Variants in QKI observed in about 807,000 individuals in gnomAD.
QKI encodes the protein KH domain-containing RNA-binding protein QKI.
In QKI, 10 loss-of-function variants were observed where a neutral mutation model predicts 39.0. The ratio of observed to expected loss-of-function variants is 0.26; its 90% CI spans 0.16 to 0.43. The LOEUF is 0.43. Ranked by LOEUF, QKI falls within the 20% of genes least tolerant of loss-of-function variation. The pLI is 1.00. For synonymous variants in QKI, 204 were observed against 155.4 expected (o/e 1.31, Z -2.33); for missense variants, 218 against 428.0 (o/e 0.51, Z 4.33).
At chr6:163,426,261 A>G (rs1356378559) in intron 1 of QKI, among the ~76,000 whole-genome samples, 2 of 150,190 alleles carry the variant, frequency 1.3e-5, no homozygotes, top group Admixed American at 6.6e-5. Flanking sequence ...TTTTTTTTCA[A>G]ATGACATTGA....
rs1367678051 is a variant in QKI at position 163,573,089 on chromosome 6, G to A, written c.*2379G>A. On this transcript the variant is annotated 3_prime_UTR_variant, in exon 8 of 8. Coordinates refer to ENST00000361752, the MANE Select transcript of QKI (RefSeq NM_006775.3). The stretch of plus-strand genomic sequence containing the variant: ...GATGTTTATCAAAGGTCTTTTATGG[G>A]GAAGAAAGTAAATGTATGAAATAAT... 2.6e-5 allele frequency: 4 copies of A among 152,016 alleles called. No individual in the cohort carries two copies. The highest frequency in any genetic ancestry group is 2.6e-4 in the Admixed American group (4 of 15,250). The allele number at this position is 152,016 out of a possible 1,614,324, so 9.4% of individuals were successfully genotyped here. A position where few individuals can be genotyped will look rare whatever the true frequency, so the allele number is the denominator to read the frequency against.
intron 1 of QKI, among the ~76,000 whole-genome samples, chr6:163,423,808 T>C: frequency 6.6e-6 from 1 of 152,356 alleles, no homozygotes; most frequent in Admixed American, 6.5e-5. Context: ...GTAAAAATTG[T>C]TGCTGCTATT....
chr6:163,469,709 C>T (rs1792042111), intron 2 of QKI, among the ~76,000 whole-genome samples: 2 of 152,024 alleles, frequency 1.3e-5, no homozygotes, highest in African/African-American at 4.8e-5. Context: ...TATCTCTGTC[C>T]AGGTTGGAGG....
intron 4 of QKI, among the ~76,000 whole-genome samples, chr6:163,559,298 A>AG (rs1183840426): frequency 1.5e-4 from 23 of 152,152 alleles, no homozygotes; most frequent in African/African-American, 5.6e-4. Context: ...AGATGACTGG[A>AG]GGTAAACCTA....
At chr6:163,472,874 T>A (rs1324463383) in intron 2 of QKI, among the ~76,000 whole-genome samples, 1 of 152,046 alleles carries the variant, frequency 6.6e-6, no homozygotes, top group Admixed American at 6.6e-5. Context: ...AAGCTTTAGA[T>A]GTATATGTTA....
intron 3 of QKI, among the ~76,000 whole-genome samples, chr6:163,499,927 A>G (rs781561740): frequency 1.1e-4 from 16 of 152,168 alleles, no homozygotes; most frequent in Non-Finnish European, 2.4e-4. Flanking sequence ...CAGGCAATGT[A>G]AGTATGGGCT....
chr6:163,452,771 G>A (rs906781971), intron 1 of QKI, among the ~76,000 whole-genome samples: 1 of 151,678 alleles, frequency 6.6e-6, no homozygotes, highest in Non-Finnish European at 1.5e-5. Context: ...CTTGTTGCCC[G>A]GGCTGGAGTG....
intron 1 of QKI, among the ~76,000 whole-genome samples, chr6:163,437,463 A>G (rs959691682): frequency 8.5e-5 from 13 of 152,278 alleles, no homozygotes; most frequent in Admixed American, 3.3e-4. Flanking sequence ...TTACTTTTTA[A>G]AAAGAGTTTT....
chr6:163,477,845 C>G (rs1262882209), intron 2 of QKI, among the ~76,000 whole-genome samples: 1 of 152,170 alleles, frequency 6.6e-6, no homozygotes, highest in African/African-American at 2.4e-5. Context: ...AGTGGATTTT[C>G]TAGCACGTTA....
chr6:163,509,632 T>G (rs1254778074), intron 3 of QKI, among the ~76,000 whole-genome samples: 1 of 152,074 alleles, frequency 6.6e-6, no homozygotes, highest in East Asian at 1.9e-4. Context: ...TTGTATCCCC[T>G]ATAGCAATAA....
intron 7 of QKI, chr6:163,568,693 A>C (rs1783521404): frequency 1.0e-6 from 1 of 985,052 alleles, no homozygotes; most frequent in Admixed American, 6.2e-5. Flanking sequence ...TAATGCAAAA[A>C]AACTCAGCCC....
chr6:163,419,782 T>C (rs932709090), intron 1 of QKI, among the ~76,000 whole-genome samples: 5 of 152,214 alleles, frequency 3.3e-5, no homozygotes, highest in African/African-American at 4.8e-5. Flanking sequence ...GTAACACAGT[T>C]GAGTTGATAG....
intron 6 of QKI, chr6:163,566,092 G>A (rs1341326962): frequency 1.5e-5 from 23 of 1,517,320 alleles, no homozygotes; most frequent in Non-Finnish European, 2.0e-5. Context: ...TGCACTTTTT[G>A]CACATAGATA....
intron 1 of QKI, chr6:163,423,271 G>C (rs1788144828): frequency 6.6e-6 from 1 of 152,282 alleles, no homozygotes; most frequent in Admixed American, 6.5e-5. Context: ...CTGGGTGACA[G>C]AGCGAGATTC....
intron 2 of QKI, among the ~76,000 whole-genome samples, chr6:163,458,426 A>G (rs924355618): frequency 1.3e-5 from 2 of 152,228 alleles, no homozygotes; most frequent in South Asian, 2.1e-4. Flanking sequence ...CTGTATTTCT[A>G]GTGCTTAGAA....
Position 163,575,053 on chromosome 6 carries a change from G to T in QKI, c.*4343G>T, listed in dbSNP as rs1783908042. On this transcript the variant is annotated 3_prime_UTR_variant, in exon 8 of 8. Coordinates refer to ENST00000361752, the MANE Select transcript of QKI (RefSeq NM_006775.3). ...GTCATTTGGATCATGTAAACAAACC[G>T]TGTCATGTCTCTGATGGGAGCGGTG... The T allele has an allele frequency of 6.6e-6, 1 of 152,192 alleles. No homozygotes were observed. The highest frequency in any genetic ancestry group is 1.5e-5 in the Non-Finnish European group (1 of 68,048). 9.4% of individuals were successfully genotyped at this position (152,192 alleles called of 1,614,324 possible).
intron 3 of QKI, among the ~76,000 whole-genome samples, chr6:163,494,785 A>G (rs577985838): frequency 1.3e-5 from 2 of 152,278 alleles, no homozygotes; most frequent in Admixed American, 1.3e-4. Context: ...GATTCCTAAC[A>G]GCAAGAAGAC....
rs1201920139 is a variant in QKI at position 163,570,790 on chromosome 6, C to T, written c.*80C>T. 7.0e-6 allele frequency: 11 copies of T among 1,561,304 alleles called. No homozygotes were observed. Among genetic ancestry groups the T allele is most frequent in the East Asian group, 2.3e-5 (1 of 43,446 alleles). ...GCCTGCTGATCAGTTAACTGGTAAT[C>T]GCCTTTGCTTGCCTGTCGTCAGTGC... On this transcript the variant is annotated 3_prime_UTR_variant, in exon 8 of 8. Transcript: ENST00000361752.
intron 2 of QKI, 98 bp downstream of exon 2, chr6:163,455,519 T>G: frequency 1.6e-6 from 2 of 1,227,324 alleles, no homozygotes; most frequent in Non-Finnish European, 2.3e-6. Flanking sequence ...ATTAGCCACT[T>G]TAAAAAAATG....
Sources: gnomAD v4.1 joint callset for allele counts (sites outside exome capture counted in the v4.1 genomes callset) on GRCh38, gnomAD v4.1.1 for gene constraint, MANE v1.5 for transcripts, NCBI Gene and HGNC (gene_info 2026-07-23, HGNC 2026-07-21) for gene names.